Variants in ACADL observed in about 807,000 individuals in gnomAD.
ACADL encodes the protein long-chain specific acyl-CoA dehydrogenase, mitochondrial.
In ACADL, 60 loss-of-function variants were observed where a neutral mutation model predicts 56.9. The ratio of observed to expected loss-of-function variants is 1.05; its 90% CI spans 0.86 to 1.31. ACADL has a LOEUF of 1.31. ACADL is among the 50% of genes most tolerant of loss of function. The pLI is 0.00. For synonymous variants in ACADL, 158 were observed against 179.7 expected (o/e 0.88, Z 0.97); for missense variants, 484 against 525.5 (o/e 0.92, Z 0.77).
chr2:210,196,240 GGAACTGT>G (rs1438026078), intron 8 of ACADL, among the ~76,000 whole-genome samples: 4 of 146,246 alleles, frequency 2.7e-5, no homozygotes, highest in African/African-American at 1.0e-4. Context: ...CCAGCCATGT[GGAACTGT>G]GAGTCCATTA....
At chr2:210,214,467 A>AAAAGAAAGAAAGAAAGAAAGAGAGAAAG (rs1689040937) in intron 4 of ACADL, among the ~76,000 whole-genome samples, 1 of 122,336 alleles carries the variant, frequency 8.2e-6, no homozygotes, top group Non-Finnish European at 1.6e-5. Flanking sequence ...GACCTTCCAA[A>AAAAGAAAGAAAGAAAGAAAGAGAGAAAG]AAAGAAAGAA....
At chr2:210,196,136 A>G (rs937410410) in intron 8 of ACADL, among the ~76,000 whole-genome samples, 1 of 152,066 alleles carries the variant, frequency 6.6e-6, no homozygotes, top group Non-Finnish European at 1.5e-5. Flanking sequence ...TGGTTTTATA[A>G]AGAGTGGTTC....
intron 5 of ACADL, among the ~76,000 whole-genome samples, chr2:210,206,029 C>T (rs1294246219): frequency 1.3e-5 from 2 of 151,970 alleles, no homozygotes; most frequent in Non-Finnish European, 2.9e-5. Context: ...ATTTTCTTTT[C>T]ACTATTAATA....
At chr2:210,208,209 A>T (rs907727075) in intron 5 of ACADL, among the ~76,000 whole-genome samples, 1 of 152,260 alleles carries the variant, frequency 6.6e-6, no homozygotes, top group African/African-American at 2.4e-5. Flanking sequence ...TACAGATAAT[A>T]AATAAACAAT....
intron 3 of ACADL, chr2:210,217,538 T>C (rs1689106661): frequency 6.2e-6 from 1 of 161,804 alleles, no homozygotes; most frequent in Non-Finnish European, 1.3e-5. Context: ...AAAAAACATA[T>C]TTGCATTTCT....
chr2:210,217,839 A>G, intron 3 of ACADL, 126 bp downstream of exon 3: 2 of 1,297,796 alleles, frequency 1.5e-6, no homozygotes, highest in Non-Finnish European at 2.2e-6. Flanking sequence ...TTTACATTTT[A>G]CACTGAATTT....
chr2:210,204,963 T>C (rs889287677), intron 6 of ACADL, among the ~76,000 whole-genome samples: 3 of 152,226 alleles, frequency 2.0e-5, no homozygotes, highest in Non-Finnish European at 4.4e-5. Flanking sequence ...TTCTAATACA[T>C]ATTAAGCAAA....
intron 8 of ACADL, among the ~76,000 whole-genome samples, chr2:210,202,548 C>T (rs918199086): frequency 1.3e-5 from 2 of 152,126 alleles, no homozygotes; most frequent in South Asian, 4.1e-4. Context: ...GCCTATCTTT[C>T]CATGTGTCAG....
intron 7 of ACADL, among the ~76,000 whole-genome samples, chr2:210,204,142 CA>C (rs958812375): frequency 7.2e-5 from 11 of 152,190 alleles, no homozygotes; most frequent in Non-Finnish European, 5.9e-5. Flanking sequence ...ACTTTAAAAC[CA>C]TAGCTGTTTA....
chr2:210,207,400 C>T (rs759253430), intron 5 of ACADL, among the ~76,000 whole-genome samples: 1 of 151,964 alleles, frequency 6.6e-6, no homozygotes, highest in Non-Finnish European at 1.5e-5. Flanking sequence ...TCCCCAATTT[C>T]CTCTTCTTCA....
intron 8 of ACADL, among the ~76,000 whole-genome samples, chr2:210,200,651 C>G (rs982775722): frequency 6.6e-5 from 10 of 152,114 alleles, no homozygotes; most frequent in Admixed American, 2.0e-4. Flanking sequence ...TTTAGAGATT[C>G]AGAACAACTG....
At chr2:210,208,511 T>G (rs1688926794) in intron 5 of ACADL, among the ~76,000 whole-genome samples, 1 of 152,170 alleles carries the variant, frequency 6.6e-6, no homozygotes, top group Non-Finnish European at 1.5e-5. Context: ...GGGCTGAAAT[T>G]ATCCCTAATG....
Position 210,205,786 on chromosome 2 carries a change from C to T in ACADL, c.614G>A (p.Ser205Asn). The stretch of plus-strand genomic sequence containing the variant: ...CACAACATCACTTAATGACCCATTA[C>T]TGATGAACACCTGCAAAACCCCAAG... ...WILNGSKVFI[S>N]NGSLSDVVIV... is the part of the protein sequence containing the mutation. The change falls in exon 6 of 11, where the codon AGT (serine) becomes AAT (asparagine). Residue 205 changes from serine to asparagine, a missense_variant. Transcript: ENST00000233710. 1 of 1,613,970 alleles carries T rather than the reference C, an allele frequency of 6.2e-7. No individual in the cohort carries two copies. Among genetic ancestry groups the T allele is most frequent in the Non-Finnish European group, 8.5e-7 (1 of 1,179,918 alleles).
At chr2:210,220,052 T>G (rs1173258893) in intron 2 of ACADL, among the ~76,000 whole-genome samples, 1 of 152,170 alleles carries the variant, frequency 6.6e-6, no homozygotes, top group Non-Finnish European at 1.5e-5. Context: ...TGCCGAGAAT[T>G]TTTTTGTTTT....
At position 210,216,525 on chromosome 2, in the gene ACADL, A is replaced by C. The variant is rs774294893; in HGVS notation, c.372-14T>G. ...TTTGAATAAGCTCTTAGAATGAAAA[A>C]AGAAGAAAAATTAGAGCATAAAATA... On this transcript the variant is annotated splice_polypyrimidine_tract_variant and intron_variant, in intron 3 of 10. Transcript: ENST00000233710. The C allele has an allele frequency of 6.2e-7, 1 of 1,610,126 alleles. No individual in the cohort carries two copies. Among genetic ancestry groups the C allele is most frequent in the Middle Eastern group, 1.7e-4 (1 of 6,036 alleles).
chr2:210,199,640 A>T (rs891604144), intron 8 of ACADL, among the ~76,000 whole-genome samples: 1 of 152,102 alleles, frequency 6.6e-6, no homozygotes, highest in African/African-American at 2.4e-5. Context: ...AAGTTCATAA[A>T]CACAGGAAAT....
intron 5 of ACADL, among the ~76,000 whole-genome samples, chr2:210,206,503 T>G (rs1688890321): frequency 6.6e-6 from 1 of 152,066 alleles, no homozygotes; most frequent in Non-Finnish European, 1.5e-5. Flanking sequence ...CTATATTATT[T>G]ATTCTCAGAT....
chr2:210,213,050 T>A (rs544964223), intron 4 of ACADL, among the ~76,000 whole-genome samples: 3 of 152,356 alleles, frequency 2.0e-5, no homozygotes, highest in African/African-American at 7.2e-5. Flanking sequence ...TCTGAACTTT[T>A]GGTACATGCC....
chr2:210,195,017 A>G (rs530832855), intron 9 of ACADL, among the ~76,000 whole-genome samples, 194 bp downstream of exon 9: 4 of 152,188 alleles, frequency 2.6e-5, no homozygotes, highest in African/African-American at 7.2e-5. Flanking sequence ...TTAAATACCA[A>G]CTTGAAACAT....
Sources: allele counts gnomAD v4.1 joint callset (sites outside exome capture counted in the v4.1 genomes callset), GRCh38; gene constraint gnomAD v4.1.1; transcripts MANE v1.5; gene names NCBI Gene and HGNC (gene_info 2026-07-23, HGNC 2026-07-21).